MAF: variants seen among roughly 807,000 people sequenced by gnomAD.
MAF encodes the protein MAF bZIP transcription factor, also known as transcription factor Maf.
A neutral mutation model predicts 22.0 loss-of-function variants in MAF; 10 were observed. The observed-to-expected ratio is 0.45, with a 90% CI of 0.28 to 0.77. MAF has a LOEUF of 0.77. MAF is among the 30% of genes least tolerant of loss of function. The probability of loss-of-function intolerance (pLI) is 0.12; values close to 1 mark genes in which losing one functional copy is unlikely to be tolerated. For missense variants in MAF, 544 were observed against 548.4 expected, an observed-to-expected ratio of 0.99 and a Z score of 0.08; for synonymous variants, 337 against 255.8, an observed-to-expected ratio of 1.32 and a Z score of -3.03.
At chr16:79,543,352 C>G in the MAF span, among the ~76,000 whole-genome samples, 2 of 152,174 alleles carry the variant, frequency 1.3e-5, no homozygotes, top group Non-Finnish European at 2.9e-5. Context: ...GGTCAAGTGC[C>G]TCCTTCCCAC....
chr16:79,293,902 C>T, the MAF span, among the ~76,000 whole-genome samples: 2 of 151,880 alleles, frequency 1.3e-5, no homozygotes, highest in Admixed American at 6.6e-5. Context: ...TTGTCTCTAT[C>T]TGAGAATGTG....
chr16:79,268,884 C>A, the MAF span, among the ~76,000 whole-genome samples: 1 of 152,174 alleles, frequency 6.6e-6, no homozygotes, highest in East Asian at 1.9e-4. Flanking sequence ...TAGCCCTGGG[C>A]AAGCCATTTC....
the MAF span, among the ~76,000 whole-genome samples, chr16:79,333,881 T>G: frequency 6.6e-6 from 1 of 152,142 alleles, no homozygotes; most frequent in South Asian, 2.1e-4. Context: ...CACCTGGATC[T>G]GGTGATACCA....
At chr16:79,228,870 T>A in the MAF span, among the ~76,000 whole-genome samples, 1 of 151,738 alleles carries the variant, frequency 6.6e-6, no homozygotes, top group Non-Finnish European at 1.5e-5. Context: ...ATCATGTACA[T>A]AGACTACAGT....
At chr16:79,255,553 G>T in the MAF span, among the ~76,000 whole-genome samples, 2 of 152,216 alleles carry the variant, frequency 1.3e-5, no homozygotes, top group East Asian at 3.8e-4. Context: ...TTTACTGCCA[G>T]AAGGGGCCTT....
chr16:79,502,722 T>TATAAATATAA, the MAF span, among the ~76,000 whole-genome samples: 13 of 36,632 alleles, frequency 3.5e-4, no homozygotes, highest in South Asian at 1.2e-3. Flanking sequence ...TATATATATA[T>TATAAATATAA]ATATATATAT....
chr16:79,305,398 T>C, the MAF span, among the ~76,000 whole-genome samples: 1 of 152,182 alleles, frequency 6.6e-6, no homozygotes, highest in Non-Finnish European at 1.5e-5. Context: ...CATCTACTGT[T>C]GGAACAGACA....
chr16:79,515,452 A>G, the MAF span, among the ~76,000 whole-genome samples: 3 of 152,208 alleles, frequency 2.0e-5, no homozygotes, highest in Non-Finnish European at 2.9e-5. Flanking sequence ...GTTATTCAAC[A>G]CTTTATTACA....
At chr16:79,300,852 G>C in the MAF span, among the ~76,000 whole-genome samples, 15 of 151,924 alleles carry the variant, frequency 9.9e-5, no homozygotes, top group South Asian at 2.9e-3. Context: ...TTGTATTAAT[G>C]TCAATAAAAA....
chr16:79,228,183 G>A, the MAF span, among the ~76,000 whole-genome samples: 7 of 152,006 alleles, frequency 4.6e-5, no homozygotes, highest in Admixed American at 2.6e-4. Flanking sequence ...TGGGATTATA[G>A]GTATAAGCCA....
the MAF span, among the ~76,000 whole-genome samples, chr16:79,259,748 T>A: frequency 5.3e-5 from 8 of 151,946 alleles, no homozygotes; most frequent in African/African-American, 1.9e-4. Flanking sequence ...GAGAGTCCAG[T>A]GGTGGGGACA....
the MAF span, among the ~76,000 whole-genome samples, chr16:79,406,999 G>T: frequency 1.3e-5 from 2 of 152,164 alleles, no homozygotes; most frequent in African/African-American, 2.4e-5. Flanking sequence ...TAGGCTGCCG[G>T]CGCGTCACAC....
the MAF span, among the ~76,000 whole-genome samples, chr16:79,391,384 T>C: frequency 3.9e-5 from 6 of 152,174 alleles, no homozygotes; most frequent in African/African-American, 1.4e-4. Flanking sequence ...AGCCGAGTTA[T>C]GAGGCCCAAG....
At chr16:79,433,269 A>C in the MAF span, among the ~76,000 whole-genome samples, 1 of 54,958 alleles carries the variant, frequency 1.8e-5, no homozygotes. Flanking sequence ...AAGACAAGTA[A>C]AAAAAAAAAT....
the MAF span, chr16:79,205,426 A>G: frequency 6.6e-6 from 1 of 152,188 alleles, no homozygotes; most frequent in East Asian, 1.9e-4. Context: ...CTTGTGGCAA[A>G]AGATCAACAT....
the MAF span, among the ~76,000 whole-genome samples, chr16:79,495,305 A>AT: frequency 2.8e-4 from 42 of 151,652 alleles, no homozygotes; most frequent in East Asian, 7.8e-4. Context: ...CTAAAAAAAC[A>AT]TTTTTTTTTA....
chr16:79,412,179 A>G, the MAF span, among the ~76,000 whole-genome samples: 2 of 152,226 alleles, frequency 1.3e-5, no homozygotes, highest in African/African-American at 2.4e-5. Context: ...AAAACATGCA[A>G]GTACAATATG....
At chr16:79,570,540 G>A in the MAF span, among the ~76,000 whole-genome samples, 1 of 152,172 alleles carries the variant, frequency 6.6e-6, no homozygotes, top group Non-Finnish European at 1.5e-5. Context: ...CACCAGACTA[G>A]CAATAGCAGA....
the MAF span, among the ~76,000 whole-genome samples, chr16:79,554,384 G>T: frequency 6.6e-6 from 1 of 152,138 alleles, no homozygotes; most frequent in African/African-American, 2.4e-5. Flanking sequence ...TCATTTATTA[G>T]AAAGGTAGAA....
Sources: allele counts gnomAD v4.1 joint callset (sites outside exome capture counted in the v4.1 genomes callset), GRCh38; gene constraint gnomAD v4.1.1; transcripts MANE v1.5; gene names NCBI Gene and HGNC (gene_info 2026-07-23, HGNC 2026-07-21).